The following LMLN variants were observed in gnomAD, a reference collection of about 807,000 sequenced individuals.
LMLN encodes leishmanolysin like peptidase.
A neutral mutation model predicts 92.3 loss-of-function variants in LMLN; 70 were observed. The ratio of observed to expected loss-of-function variants is 0.76; its 90% CI spans 0.63 to 0.92. LMLN has a LOEUF of 0.92. Ranked by LOEUF, LMLN falls within the 40% of genes least tolerant of loss-of-function variation. The pLI, the probability that LMLN is intolerant of heterozygous loss-of-function variation, is 0.00. For missense variants in LMLN, 691 were observed against 814.6 expected, an observed-to-expected ratio of 0.85 and a Z score of 1.85; for synonymous variants, 308 against 296.2, an observed-to-expected ratio of 1.04 and a Z score of -0.41.
intron 14 of LMLN, among the ~76,000 whole-genome samples, chr3:198,028,052 C>T (rs941772019): frequency 6.6e-6 from 1 of 152,076 alleles, no homozygotes; most frequent in Non-Finnish European, 1.5e-5. Flanking sequence ...GTGGAAGGTA[C>T]AGAGAGTTCC....
chr3:197,991,863 CTTT>C (rs34726731), intron 9 of LMLN, among the ~76,000 whole-genome samples: 3 of 135,818 alleles, frequency 2.2e-5, no homozygotes, highest in Admixed American at 7.3e-5. Context: ...TACTGAGCAA[CTTT>C]TTTTTTTTTT....
At chr3:198,033,399 T>TA (rs199886696) in intron 14 of LMLN, among the ~76,000 whole-genome samples, 118 of 111,450 alleles carry the variant, frequency 1.1e-3, no homozygotes, top group African/African-American at 7.4e-3. Context: ...TAGTATTTTA[T>TA]AAAAAAAATT....
exon 16 of LMLN, chr3:198,041,498 G>T (rs1343299637): frequency 6.6e-6 from 1 of 151,986 alleles, no homozygotes; most frequent in Non-Finnish European, 1.5e-5. Flanking sequence ...TTTAGACTTG[G>T]GTCCATGCCC....
At chr3:197,975,914 C>T (rs1279059448) in intron 3 of LMLN, 115 bp from the exon 4 acceptor site, 1 of 623,208 alleles carries the variant, frequency 1.6e-6, no homozygotes, top group East Asian at 2.9e-5. Flanking sequence ...TAACTAATAT[C>T]TGTATTCCAG....
chr3:198,015,838 G>T (rs1722622547), intron 11 of LMLN, among the ~76,000 whole-genome samples: 1 of 152,212 alleles, frequency 6.6e-6, no homozygotes, highest in Non-Finnish European at 1.5e-5. Context: ...ATAGAGAAAA[G>T]CACATCTAGT....
chr3:197,962,089 T>C (rs1720918682), intron 1 of LMLN, among the ~76,000 whole-genome samples: 1 of 152,166 alleles, frequency 6.6e-6, no homozygotes, highest in Non-Finnish European at 1.5e-5. Context: ...CATCACAACA[T>C]AGAACGTTCC....
At chr3:197,994,842 A>G (rs1721973483) in intron 9 of LMLN, 1 of 152,260 alleles carries the variant, frequency 6.6e-6, no homozygotes, top group Non-Finnish European at 1.5e-5. Flanking sequence ...TGCTCCAACA[A>G]TCCTTGTTCC....
chr3:198,014,021 C>A (rs189272500), intron 11 of LMLN, among the ~76,000 whole-genome samples: 191 of 143,222 alleles, frequency 1.3e-3, no homozygotes, highest in African/African-American at 4.9e-3. Context: ...TCTCTCCACC[C>A]TTTAGAGCCC....
At chr3:198,038,197 T>G (rs1723288495) in intron 15 of LMLN, 1 of 218,538 alleles carries the variant, frequency 4.6e-6, no homozygotes, top group Non-Finnish European at 9.2e-6. Flanking sequence ...TACTAGTTTG[T>G]GTTGATAAAT....
chr3:198,019,366 C>T lies in LMLN; in HGVS notation c.1346C>T (p.Pro449Leu). ...TGTAATTTGCAGAAGTTCCCTAAGC[C>T]TTTACCACAGGAATACCAGGTAGAA... Residue 449 changes from proline to leucine, a missense_variant, in exon 12 of 16, where the codon CCT becomes CTT. Coordinates refer to ENST00000330198, the Ensembl canonical transcript of LMLN. The surrounding 1 kb of genome is among the most constrained non-coding windows in gnomAD (Gnocchi z 5.5). The T allele has an allele frequency of 3.1e-6, 5 of 1,613,932 alleles. No individual in the cohort carries two copies. The highest frequency in any genetic ancestry group is 4.2e-6 in the Non-Finnish European group (5 of 1,179,994).
intron 14 of LMLN, 63 bp from the exon 16 acceptor site, chr3:198,035,770 T>A (rs1392102011): frequency 7.2e-6 from 9 of 1,256,384 alleles, no homozygotes; most frequent in Non-Finnish European, 1.0e-5. Flanking sequence ...AGGAGAAATC[T>A]CTTAGAATCT....
exon 16 of LMLN, chr3:198,039,858 C>T (rs1723351463): frequency 6.6e-6 from 1 of 152,092 alleles, no homozygotes; most frequent in Non-Finnish European, 1.5e-5. Flanking sequence ...CTTCAGAGCT[C>T]AGCTTCTGGT....
intron 7 of LMLN, 143 bp downstream of exon 7, chr3:197,984,191 TA>T: frequency 2.3e-6 from 1 of 426,294 alleles, no homozygotes; most frequent in Non-Finnish European, 4.2e-6. Flanking sequence ...ACTTAAAGTA[TA>T]ATAATAATAA....
At chr3:197,985,430 G>A (rs923106421) in intron 7 of LMLN, among the ~76,000 whole-genome samples, 11 of 143,096 alleles carry the variant, frequency 7.7e-5, no homozygotes, top group Non-Finnish European at 3.0e-5. Flanking sequence ...CACACACAGA[G>A]CAAACAGGAA....
At chr3:197,985,734 C>A in intron 7 of LMLN, 62 bp from the exon 8 acceptor site, 2 of 1,113,396 alleles carry the variant, frequency 1.8e-6, no homozygotes, top group Non-Finnish European at 2.7e-6. Context: ...CTCTTTTGAT[C>A]GCAGGCCTGT....
At chr3:198,023,956 CA>C (rs1241713685) in intron 13 of LMLN, among the ~76,000 whole-genome samples, 1 of 152,188 alleles carries the variant, frequency 6.6e-6, no homozygotes, top group African/African-American at 2.4e-5. Context: ...CAACACCCCC[CA>C]AAAGTCTGCA....
At chr3:198,028,038 T>G (rs1722981606) in intron 14 of LMLN, among the ~76,000 whole-genome samples, 1 of 152,138 alleles carries the variant, frequency 6.6e-6, no homozygotes, top group Non-Finnish European at 1.5e-5. Flanking sequence ...CACAACAAAT[T>G]TAAGTGGAAG....
At chr3:198,023,538 AC>A (rs1204112782) in intron 13 of LMLN, among the ~76,000 whole-genome samples, 1 of 152,188 alleles carries the variant, frequency 6.6e-6, no homozygotes, top group Non-Finnish European at 1.5e-5. Flanking sequence ...AGACTCTGAT[AC>A]TCAAAAGAAG....
chr3:197,963,209 T>G (rs989431140), intron 1 of LMLN, among the ~76,000 whole-genome samples: 2 of 151,712 alleles, frequency 1.3e-5, no homozygotes, highest in Admixed American at 6.6e-5. Flanking sequence ...CTCTTTTTTT[T>G]TTTTGTTTTG....
Sources: gnomAD v4.1 joint callset for allele counts (sites outside exome capture counted in the v4.1 genomes callset) on GRCh38, gnomAD v4.1.1 for gene constraint, Gnocchi (gnomAD v3.1) non-coding constraint, MANE v1.5 for transcripts, NCBI Gene and HGNC (gene_info 2026-07-23, HGNC 2026-07-21) for gene names.